The following LAMB1 variants were observed in gnomAD, a reference collection of about 807,000 sequenced individuals.
The protein encoded by LAMB1 is laminin subunit beta-1.
In LAMB1, 121 loss-of-function variants were observed where a neutral mutation model predicts 222.3. The ratio of observed to expected loss-of-function variants is 0.54; its 90% CI spans 0.47 to 0.63. LAMB1 has a LOEUF of 0.63. Ranked by LOEUF, LAMB1 falls within the 30% of genes least tolerant of loss-of-function variation. LAMB1 has a pLI of 0.00. For synonymous variants in LAMB1, 794 were observed against 807.2 expected, an observed-to-expected ratio of 0.98 and a Z score of 0.28; for missense variants, 2,172 against 2,240.8, an observed-to-expected ratio of 0.97 and a Z score of 0.62.
rs2033490757 is a variant in LAMB1, at chr7:107,961,200, A to G, written c.2109+6T>C. 3 of 1,613,990 alleles carry G rather than the reference A, an allele frequency of 1.9e-6. No homozygotes were observed. Among genetic ancestry groups the G allele is most frequent in the Non-Finnish European group, 2.5e-6 (3 of 1,179,988 alleles). On this transcript the variant is annotated splice_donor_region_variant and intron_variant, in intron 17 of 33. Transcript: ENST00000222399. ...CTGCATATGCCAGAAGCAATCTCGC[A>G]CTTACAGAATCGATCAGCGTGTAGG... is the stretch of plus-strand genomic sequence containing the variant.
In LAMB1 at chr7:107,953,543, C is replaced by T. The variant is rs890760399; in HGVS notation, c.3066G>A (p.Gln1022=). The change falls in exon 22 of 34, where the codon CAG becomes CAA. Residue 1022 remains glutamine (Q), a synonymous_variant. Coordinates refer to ENST00000222399, the MANE Select transcript of LAMB1 (RefSeq NM_002291.3). The stretch of plus-strand genomic sequence containing the variant: ...TGTGCATCTTACTTCGACAGTCCTG[C>T]TGGAGGGCATCACCATAGTATCCAA... ...CRFGYYGDAL[Q]QDCRKCVCNY... 4 of 1,613,426 alleles carry T rather than the reference C, an allele frequency of 2.5e-6. No individual in the cohort carries two copies. Among genetic ancestry groups the T allele is most frequent in the Middle Eastern group, 1.7e-4 (1 of 6,060 alleles).
At chr7:107,977,957 G>T in intron 9 of LAMB1, 90 bp downstream of exon 9, 1 of 1,469,360 alleles carries the variant, frequency 6.8e-7, no homozygotes, top group Non-Finnish European at 9.4e-7. Flanking sequence ...TCTACCCTCT[G>T]CAAAACAGTA....
chr7:107,942,617 C>T (rs2033017965), intron 24 of LAMB1: 1 of 152,158 alleles, frequency 6.6e-6, no homozygotes, highest in Non-Finnish European at 1.5e-5. Flanking sequence ...ACGTCTTCCA[C>T]ATCTGTAAGA....
At chr7:107,997,930 A>C (rs1218681601) in intron 4 of LAMB1, among the ~76,000 whole-genome samples, 1 of 151,986 alleles carries the variant, frequency 6.6e-6, no homozygotes, top group Non-Finnish European at 1.5e-5. Context: ...CTATCAAGAC[A>C]CTTTCTGTAG....
chr7:107,999,530 CCTT>C (rs1191520937), intron 3 of LAMB1, among the ~76,000 whole-genome samples: 33 of 152,232 alleles, frequency 2.2e-4, no homozygotes, highest in African/African-American at 7.7e-4. Context: ...TTAGTTATTA[CCTT>C]CTTCTCAAAA....
Position 107,962,917 on chromosome 7 carries a change from G to A in LAMB1, c.1845C>T (p.Arg615=), listed in dbSNP as rs200051929. 83 of 1,612,250 alleles carry A rather than the reference G, an allele frequency of 5.1e-5. No individual in the cohort carries two copies. In the East Asian group the frequency reaches 1.5e-3, roughly 29 times the overall value. Residue 615 remains arginine, a synonymous_variant, in exon 15 of 34, where the codon CGC becomes CGT. Transcript: ENST00000222399. ...PYSMEYDILI[R]YEPQLPDHWE... is the part of the protein sequence containing the mutation. ...GTGGTTTCTTTACCTGTGGCTCGTA[G>A]CGAATTAGGATGTCGTACTCCATGG...
chr7:107,973,452 A>G (rs1039352880), intron 12 of LAMB1, among the ~76,000 whole-genome samples: 5 of 152,164 alleles, frequency 3.3e-5, no homozygotes, highest in African/African-American at 1.2e-4. Flanking sequence ...TCAGTCTGTC[A>G]TCAATCCCAT....
chr7:107,977,250 G>A (rs1351989050), intron 9 of LAMB1, among the ~76,000 whole-genome samples: 5 of 152,084 alleles, frequency 3.3e-5, no homozygotes, highest in African/African-American at 2.4e-5. Flanking sequence ...GGGCAGAGGC[G>A]GAGCTGCTCT....
Position 107,931,374 on chromosome 7 carries a change from T to A in LAMB1, c.4519A>T (p.Ile1507Phe), listed in dbSNP as rs140213228. 1.2e-6 allele frequency: 2 copies of A among 1,613,278 alleles called. No homozygotes were observed. The highest frequency in any genetic ancestry group is 2.2e-5 in the South Asian group (2 of 90,836). ...TTCTTACGGGTCAAAAAGTTTCTGA[T>A]TTGCTTGATTAGATTTCTCAGCTCC... is the stretch of plus-strand genomic sequence containing the variant. ...NEELRNLIKQIRNFLTQDSAD... is the reference protein window; with the variant it reads ...NEELRNLIKQFRNFLTQDSAD... Residue 1507 changes from isoleucine to phenylalanine, a missense_variant, in exon 29 of 34, where the codon ATC becomes TTC. Coordinates refer to ENST00000222399, the MANE Select transcript of LAMB1 (RefSeq NM_002291.3).
chr7:108,000,903 GTCT>G (rs1319036481), intron 3 of LAMB1, among the ~76,000 whole-genome samples: 33 of 152,324 alleles, frequency 2.2e-4, no homozygotes, highest in Non-Finnish European at 1.5e-4. Context: ...TACACTTTGT[GTCT>G]TCTTTTAAAA....
At chr7:107,999,086 AG>A (rs2034333264) in intron 3 of LAMB1, among the ~76,000 whole-genome samples, 5 of 152,346 alleles carry the variant, frequency 3.3e-5, no homozygotes, top group Admixed American at 2.6e-4. Flanking sequence ...AGGGAGGACC[AG>A]GCTGTTGGGA....
chr7:107,929,057 T>A lies in LAMB1; in HGVS notation c.4887+7A>T. ...TTCCCATTCATGTAATGATTGTGTA[T>A]GCCTACCGAAGTTAACAGGTTCTGG... On this transcript the variant is annotated splice_region_variant and intron_variant, in intron 31 of 33. Transcript: ENST00000222399. 1 of 1,613,418 alleles carries A rather than the reference T, an allele frequency of 6.2e-7. No individual in the cohort carries two copies. The highest frequency in any genetic ancestry group is 8.5e-7 in the Non-Finnish European group (1 of 1,179,572).
At chr7:107,963,837 G>A (rs1165327477) in intron 14 of LAMB1, among the ~76,000 whole-genome samples, 4 of 152,194 alleles carry the variant, frequency 2.6e-5, no homozygotes, top group Admixed American at 2.0e-4. Context: ...AGTGGCTCAC[G>A]CCTGTAATCC....
At position 107,972,984 on chromosome 7, in the gene LAMB1, C is replaced by G; in HGVS notation, c.1562+8G>C. 1 of 1,607,478 alleles carries G rather than the reference C, an allele frequency of 6.2e-7. No homozygotes were observed. The highest frequency in any genetic ancestry group is 8.5e-7 in the Non-Finnish European group (1 of 1,173,966). On this transcript the variant is annotated splice_region_variant and intron_variant, in intron 13 of 33. Coordinates refer to ENST00000222399, the MANE Select transcript of LAMB1 (RefSeq NM_002291.3). ...TGAGGACAAGAGCATACGTAGAGCT[C>G]CATTTACCTGTTGTTTAAGGCTCCC...
In LAMB1 at chr7:107,998,628, T is replaced by C. The variant is rs147367343; in HGVS notation, c.214-136A>G. On this transcript the variant is annotated intron_variant, in intron 3 of 33. Transcript: ENST00000222399. ...GAAAAATAATTGTGTGAAAATTGCTTAGGAGATTTGTATCACATCTTTCAC... is the reference window on the plus strand; with the variant it reads ...GAAAAATAATTGTGTGAAAATTGCTCAGGAGATTTGTATCACATCTTTCAC... 800 of 686,860 alleles carry C rather than the reference T, an allele frequency of 1.2e-3. 5 individuals are homozygous for C. In the African/African-American group the frequency reaches 0.013, roughly 11 times the overall value. 42.5% of individuals were successfully genotyped at this position (686,860 alleles called of 1,614,324 possible).
At chr7:107,934,662 G>A (rs919698757) in intron 27 of LAMB1, among the ~76,000 whole-genome samples, 9 of 151,978 alleles carry the variant, frequency 5.9e-5, no homozygotes, top group African/African-American at 1.2e-4. Flanking sequence ...GCTAATACCC[G>A]TGAAAAAATT....
chr7:107,975,598 C>G (rs1180443371), intron 10 of LAMB1, 91 bp downstream of exon 10: 2 of 1,352,038 alleles, frequency 1.5e-6, no homozygotes, highest in Non-Finnish European at 2.0e-6. Flanking sequence ...GGCTTTACTG[C>G]TCATACTATG....
intron 13 of LAMB1, among the ~76,000 whole-genome samples, chr7:107,971,729 A>C (rs2033752681): frequency 6.6e-6 from 1 of 152,154 alleles, no homozygotes; most frequent in Admixed American, 6.5e-5. Context: ...TTTGCACAAG[A>C]GATTAGAGGG....
chr7:107,948,715 G>T (rs2033180301), intron 24 of LAMB1, among the ~76,000 whole-genome samples: 1 of 152,140 alleles, frequency 6.6e-6, no homozygotes, highest in Non-Finnish European at 1.5e-5. Context: ...TCTAATACAG[G>T]AGTACCAATT....
Sources: gnomAD v4.1 joint callset for allele counts (sites outside exome capture counted in the v4.1 genomes callset) on GRCh38, gnomAD v4.1.1 for gene constraint, MANE v1.5 for transcripts, NCBI Gene and HGNC (gene_info 2026-07-23, HGNC 2026-07-21) for gene names.